OGG1: variants seen among roughly 807,000 people sequenced by gnomAD.
The protein encoded by OGG1 is 8-oxoguanine DNA glycosylase, also known as N-glycosylase/DNA lyase.
In OGG1, 35 loss-of-function variants were observed where a neutral mutation model predicts 42.3. That is an observed-to-expected ratio of 0.83 (90% CI 0.63 to 1.10). OGG1 has a LOEUF of 1.10. Ranked by LOEUF, OGG1 falls within the 50% of genes least tolerant of loss-of-function variation. The probability of loss-of-function intolerance (pLI) is 0.00; values close to 1 mark genes in which losing one functional copy is unlikely to be tolerated. For missense variants in OGG1, 484 were observed against 446.7 expected (o/e 1.08, Z -0.75); for synonymous variants, 189 against 179.0 (o/e 1.06, Z -0.44).
chr3:9,778,051 C>A (rs919489531), intron 2 of OGG1, among the ~76,000 whole-genome samples: 1 of 152,166 alleles, frequency 6.6e-6, no homozygotes, highest in Non-Finnish European at 1.5e-5. Flanking sequence ...CTTGACAAAG[C>A]AAGGTATGTA....
intron 2 of OGG1, among the ~76,000 whole-genome samples, chr3:9,773,813 C>T (rs1228614682): frequency 6.6e-6 from 1 of 152,034 alleles, no homozygotes; most frequent in Non-Finnish European, 1.5e-5. Flanking sequence ...CCACCTCAGC[C>T]TCCGGAGTAG....
At chr3:9,789,389 G>C, downstream of OGG1, 1 of 884,870 alleles carries the variant, frequency 1.1e-6, no homozygotes, top group Non-Finnish European at 1.7e-6. Flanking sequence ...TGATGGAGCA[G>C]ACAGCAGACT....
At chr3:9,768,790 A>G (rs958528576), downstream of OGG1, among the ~76,000 whole-genome samples, 1 of 152,178 alleles carries the variant, frequency 6.6e-6, no homozygotes, top group Non-Finnish European at 1.5e-5. Context: ...AATGAGGAGA[A>G]GGTGCCCTGA....
In OGG1 at chr3:9,750,313, G is replaced by C. The variant is rs769947581; in HGVS notation, c.27G>C (p.Arg9Ser). The C allele has an allele frequency of 1.2e-6, 2 of 1,613,206 alleles. No homozygotes were observed. Among genetic ancestry groups the C allele is most frequent in the South Asian group, 2.2e-5 (2 of 91,070 alleles). Residue 9 changes from arginine to serine, a missense_variant, in exon 1 of 7, where the codon AGG (arginine) becomes AGC (serine). By Grantham distance (110) the Arg-to-Ser change is moderately radical (BLOSUM62 -1). Coordinates refer to ENST00000344629, the MANE Select transcript of OGG1 (RefSeq NM_002542.6). MPARALLP[R>S]RMGHRTLAST... Reference sequence around the variant, plus strand: ...TGCCTGCCCGCGCGCTTCTGCCCAGGCGCATGGGGCATCGTACTCTAGCCT... The same window carrying C: ...TGCCTGCCCGCGCGCTTCTGCCCAGCCGCATGGGGCATCGTACTCTAGCCT...
At chr3:9,789,142 TTA>T (rs1453884417), downstream of OGG1, among the ~76,000 whole-genome samples, 5 of 152,118 alleles carry the variant, frequency 3.3e-5, no homozygotes, top group Non-Finnish European at 7.4e-5. Context: ...AGCCCAAGTT[TTA>T]TATCTTAAAG....
chr3:9,765,958 T>C lies in OGG1; in HGVS notation c.*127T>C, dbSNP rs778921865. On this transcript the variant is annotated 3_prime_UTR_variant, in exon 8 of 8. Transcript: ENST00000302008. ...AGCTTCCCTCCAGCCTCTCCTCCAT[T>C]CCCTATGGGTTCTGTGACCACTGCT... is the stretch of plus-strand genomic sequence containing the variant. The C allele has an allele frequency of 3.7e-6, 6 of 1,613,892 alleles. No homozygotes were observed. In the Middle Eastern group the frequency reaches 8.2e-4, roughly 221 times the overall value.
chr3:9,755,047 A>G (rs1055445730), intron 4 of OGG1, among the ~76,000 whole-genome samples, 162 bp downstream of exon 4: 34 of 152,356 alleles, frequency 2.2e-4, no homozygotes, highest in Admixed American at 9.8e-4. Flanking sequence ...AGCAGAGTGC[A>G]GAAAGAGTAG....
chr3:9,757,020 C>T lies in OGG1; in HGVS notation c.949-41C>T. 1 of 1,613,798 alleles carries T rather than the reference C, an allele frequency of 6.2e-7. No homozygotes were observed. Among genetic ancestry groups the T allele is most frequent in the Non-Finnish European group, 8.5e-7 (1 of 1,180,038 alleles). On this transcript the variant is annotated intron_variant, in intron 6 of 6. Coordinates refer to ENST00000344629, the MANE Select transcript of OGG1 (RefSeq NM_002542.6). This position sits in a 1 kb window ranked among gnomAD's most constrained non-coding sequence, Gnocchi z 4.5. Reference sequence around the variant, plus strand: ...TCACTAGTCTCACCAGCCCTGACCCCAGTGTACCCTCCTCCCCACACAGAC... The same window carrying T: ...TCACTAGTCTCACCAGCCCTGACCCTAGTGTACCCTCCTCCCCACACAGAC...
chr3:9,774,648 A>G (rs1157794729), intron 2 of OGG1, among the ~76,000 whole-genome samples: 5 of 152,190 alleles, frequency 3.3e-5, no homozygotes, highest in African/African-American at 1.2e-4. Flanking sequence ...AAACACAGTA[A>G]ACACAGGACA....
chr3:9,789,704 GC>G, downstream of OGG1: 1 of 1,611,692 alleles, frequency 6.2e-7, no homozygotes, highest in Non-Finnish European at 8.5e-7. Flanking sequence ...ATGTTCTCTA[GC>G]CCAGAACCTG....
rs1052134 is a variant in OGG1 at position 9,757,090 on chromosome 3, C to G, written c.978C>G (p.Ser326=). Residue 326 remains serine (S), a synonymous_variant, in exon 7 of 7, where the codon TCC becomes TCG. Transcript: ENST00000344629. This position sits in a 1 kb window ranked among gnomAD's most constrained non-coding sequence, Gnocchi z 4.5. ...TGTTCAGTGCCGACCTGCGCCAATC[C>G]CGCCATGCTCAGGAGCCACCAGCAA... The part of the protein sequence containing the change: ...AVLFSADLRQ[S]RHAQEPPAKR... The G allele has an allele frequency of 6.2e-7, 1 of 1,614,050 alleles. No homozygotes were observed. Among genetic ancestry groups the G allele is most frequent in the African/African-American group, 1.3e-5 (1 of 74,936 alleles).
downstream of OGG1, chr3:9,761,331 AATTG>A: frequency 3.4e-6 from 3 of 872,594 alleles, no homozygotes; most frequent in Non-Finnish European, 3.5e-6. Context: ...TAATACTGGT[AATTG>A]ATTGGTGGAA....
chr3:9,767,364 T>A (rs2078182936), downstream of OGG1, among the ~76,000 whole-genome samples: 1 of 152,224 alleles, frequency 6.6e-6, no homozygotes, highest in Non-Finnish European at 1.5e-5. Flanking sequence ...CAGAGCCATC[T>A]CCAGCCTCAG....
chr3:9,786,276 C>T (rs1053117831), intron 3 of OGG1, among the ~76,000 whole-genome samples: 5 of 152,162 alleles, frequency 3.3e-5, no homozygotes, highest in African/African-American at 4.8e-5. Flanking sequence ...GTGACAATTA[C>T]GCCCAGAGTG....
intron 1 of OGG1, 115 bp from the exon 2 acceptor site, chr3:9,750,830 A>G (rs1179813108): frequency 1.6e-6 from 2 of 1,256,514 alleles, no homozygotes; most frequent in African/African-American, 1.5e-5. Flanking sequence ...AGACTGGAAG[A>G]TAGCACTGTT....
intron 1 of OGG1, 197 bp from the exon 2 acceptor site, chr3:9,750,748 G>A (rs2077263249): frequency 1.3e-6 from 1 of 755,006 alleles, no homozygotes; most frequent in African/African-American, 1.7e-5. Flanking sequence ...GAGTAGCTGG[G>A]ACTACAGGTG....
chr3:9,767,917 C>T (rs550457015), downstream of OGG1: 3 of 1,284,628 alleles, frequency 2.3e-6, no homozygotes, highest in Admixed American at 3.0e-5. Context: ...ATTCAACAAA[C>T]ATTCATTTGT....
At chr3:9,787,544 GAC>G (rs1037600953) in intron 3 of OGG1, 10 of 948,602 alleles carry the variant, frequency 1.1e-5, no homozygotes, top group South Asian at 1.7e-5. Flanking sequence ...AAAGAACTAA[GAC>G]ACACACACAG....
At chr3:9,772,736 G>A (rs962411991) in intron 2 of OGG1, among the ~76,000 whole-genome samples, 3 of 152,086 alleles carry the variant, frequency 2.0e-5, no homozygotes, top group African/African-American at 7.2e-5. Context: ...TTGAGCAAGT[G>A]TACTGTAATG....
Sources: allele counts gnomAD v4.1 joint callset (sites outside exome capture counted in the v4.1 genomes callset), GRCh38; gene constraint gnomAD v4.1.1; non-coding constraint Gnocchi (gnomAD v3.1); transcripts MANE v1.5; gene names NCBI Gene and HGNC (gene_info 2026-07-23, HGNC 2026-07-21).